The following SLC5A11 variants were observed in gnomAD, a reference collection of about 807,000 sequenced individuals.
The protein encoded by SLC5A11 is sodium/myo-inositol cotransporter 2.
Under a neutral mutation model 69.8 loss-of-function variants are expected in SLC5A11, and 48 were observed. The ratio of observed to expected loss-of-function variants is 0.69; its 90% CI spans 0.55 to 0.87. The LOEUF (loss-of-function observed/expected upper bound fraction) is 0.87, where lower values mean the gene tolerates loss of function less well. Among genes scored for constraint, SLC5A11 ranks in the 40% least tolerant of loss-of-function variants. SLC5A11 has a pLI of 0.00. For missense variants in SLC5A11, 784 were observed against 866.1 expected (o/e 0.91, Z 1.19); for synonymous variants, 319 against 342.4 (o/e 0.93, Z 0.75).
intron 7 of SLC5A11, among the ~76,000 whole-genome samples, chr16:24,883,757 A>G (rs1267171968): frequency 1.3e-5 from 2 of 152,224 alleles, no homozygotes; most frequent in African/African-American, 4.8e-5. Context: ...CAGAAGCTGC[A>G]GGGCTCCTTG....
At chr16:24,847,857 G>GT (rs2059099833) in intron 1 of SLC5A11, among the ~76,000 whole-genome samples, 1 of 152,246 alleles carries the variant, frequency 6.6e-6, no homozygotes, top group East Asian at 1.9e-4. Context: ...TTGCATGCCT[G>GT]TTTTGGGGAC....
At chr16:24,848,390 C>T (rs1209005750) in intron 1 of SLC5A11, among the ~76,000 whole-genome samples, 2 of 152,166 alleles carry the variant, frequency 1.3e-5, no homozygotes, top group African/African-American at 4.8e-5. Context: ...GGGAGGATTG[C>T]TTGAGGCCTG....
chr16:24,849,593 AATATATATATAT>A (rs1555515955), intron 1 of SLC5A11, among the ~76,000 whole-genome samples: 21 of 35,892 alleles, frequency 5.9e-4, no homozygotes, highest in Middle Eastern at 0.017. Flanking sequence ...AAAAAAAAAA[AATATATATATAT>A]ATATATATAT....
rs2047200339 is a variant in SLC5A11, at chr16:24,870,378, AGTGAAACTCC to A, written c.312+376_312+385del. On this transcript the variant is annotated intron_variant, in intron 4 of 15. Coordinates refer to ENST00000347898, the Ensembl canonical transcript of SLC5A11. ...ACTGCGCGCCAGCCTGGGTGACAAG[AGTGAAACTCC>A]GTCCCCCTCCCCACAAAAAAACAAA... Among the ~76,000 whole-genome samples, 3 of 151,492 alleles carry A rather than the reference AGTGAAACTCC, an allele frequency of 2.0e-5. No homozygotes were observed. In the South Asian group the frequency reaches 6.3e-4, roughly 32 times the overall value.
intron 10 of SLC5A11, among the ~76,000 whole-genome samples, chr16:24,905,600 C>T (rs796206972): frequency 5.1e-4 from 77 of 150,390 alleles, no homozygotes; most frequent in African/African-American, 1.6e-3. Context: ...CCAGCCTGGG[C>T]GACAGAGCAA....
chr16:24,867,672 A>G (rs963648449), intron 3 of SLC5A11, among the ~76,000 whole-genome samples: 4 of 152,176 alleles, frequency 2.6e-5, no homozygotes, highest in Admixed American at 6.5e-5. Context: ...ATTAGAAATG[A>G]AAAAGGGGGA....
chr16:24,908,595 C>CCA (rs1555535921), intron 13 of SLC5A11, among the ~76,000 whole-genome samples: 1 of 70,596 alleles, frequency 1.4e-5, no homozygotes, highest in African/African-American at 5.7e-5. Context: ...GAGACTGTCT[C>CCA]AAAAAAAAAA....
chr16:24,861,733 GAAAAAGAA>G (rs926137289), intron 2 of SLC5A11, among the ~76,000 whole-genome samples: 10 of 93,454 alleles, frequency 1.1e-4, no homozygotes, highest in South Asian at 3.2e-4. Context: ...GCAGAAGAAA[GAAAAAGAA>G]AGAAAGAAAA....
rs143801077 is a variant in SLC5A11 at position 24,855,301 on chromosome 16, G to A, written c.-24-3319G>A. Among the ~76,000 whole-genome samples, 389 of 152,034 alleles carry A rather than the reference G, an allele frequency of 2.6e-3. 2 individuals carry two copies. Among genetic ancestry groups the A allele is most frequent in the African/African-American group, 9.0e-3 (373 of 41,452 alleles). On this transcript the variant is annotated intron_variant, in intron 1 of 15. Coordinates refer to ENST00000347898, the Ensembl canonical transcript of SLC5A11. ...CTGCCCCCATGGATGGGATTAGCAC[G>A]TTTATAAAAGAGGCTTGAGGCCAGG...
intron 1 of SLC5A11, among the ~76,000 whole-genome samples, chr16:24,854,971 G>GTT (rs1167539584): frequency 6.6e-6 from 1 of 151,826 alleles, no homozygotes; most frequent in South Asian, 2.1e-4. Context: ...GTGTGTGTGT[G>GTT]TGTTTGTTTG....
rs769738458 is a variant in SLC5A11, at chr16:24,877,320, C to T, written c.540C>T (p.Ala180=). ...CTTTGCACCTGGATCTGTACCTGGC[C>T]ATAGTTGGGCTACTGGCCATCACTG... is the stretch of plus-strand genomic sequence containing the variant. Residue 180 remains alanine, a synonymous_variant, in exon 7 of 16, where the codon GCC becomes GCT. Coordinates refer to ENST00000347898, the Ensembl canonical transcript of SLC5A11. The T allele has an allele frequency of 2.2e-5, 35 of 1,613,946 alleles. No individual in the cohort carries two copies. The African/African-American group carries it at 4.5e-4, about 21-fold the overall frequency.
chr16:24,847,619 G>C (rs2059087653), intron 1 of SLC5A11, among the ~76,000 whole-genome samples: 1 of 152,158 alleles, frequency 6.6e-6, no homozygotes, highest in Non-Finnish European at 1.5e-5. Flanking sequence ...GCCTTGCAAA[G>C]TGCTGGGATT....
chr16:24,895,519 G>T (rs1171806759), intron 9 of SLC5A11, among the ~76,000 whole-genome samples: 2 of 148,252 alleles, frequency 1.3e-5, no homozygotes, highest in Admixed American at 6.9e-5. Flanking sequence ...AGAAAAAAAA[G>T]TAGGAAAGGA....
intron 9 of SLC5A11, 58 bp downstream of exon 10, chr16:24,891,132 G>T: frequency 1.3e-6 from 2 of 1,555,244 alleles, no homozygotes; most frequent in Non-Finnish European, 1.8e-6. Flanking sequence ...CCTTAGGGTG[G>T]CTGAAGTCGG....
At chr16:24,893,453 C>A (rs2048949177) in intron 9 of SLC5A11, among the ~76,000 whole-genome samples, 1 of 152,032 alleles carries the variant, frequency 6.6e-6, no homozygotes, top group Non-Finnish European at 1.5e-5. Context: ...TAAAAACCAG[C>A]CAGAGACAAT....
At chr16:24,901,564 A>C (rs2049594791) in intron 10 of SLC5A11, among the ~76,000 whole-genome samples, 1 of 151,186 alleles carries the variant, frequency 6.6e-6, no homozygotes, top group Non-Finnish European at 1.5e-5. Flanking sequence ...GCAGTGAGCC[A>C]TGATCAGTGC....
chr16:24,897,153 C>T (rs185314083), intron 9 of SLC5A11, among the ~76,000 whole-genome samples: 2 of 151,822 alleles, frequency 1.3e-5, no homozygotes, highest in African/African-American at 4.8e-5. Context: ...AGAGTTTCAC[C>T]ATGTTGGCCA....
chr16:24,859,590 G>A (rs547061735), intron 2 of SLC5A11, among the ~76,000 whole-genome samples: 1 of 151,898 alleles, frequency 6.6e-6, no homozygotes, highest in African/African-American at 2.4e-5. Flanking sequence ...TGGTTCAAGT[G>A]TCTTTATGCA....
chr16:24,898,239 T>G, intron 10 of SLC5A11, 130 bp downstream of exon 11: 1 of 1,239,402 alleles, frequency 8.1e-7, no homozygotes, highest in Non-Finnish European at 1.1e-6. Flanking sequence ...TAAGACAGAG[T>G]CTCATTCTGT....
Sources: gnomAD v4.1 joint callset for allele counts (sites outside exome capture counted in the v4.1 genomes callset) on GRCh38, gnomAD v4.1.1 for gene constraint, MANE v1.5 for transcripts, NCBI Gene and HGNC (gene_info 2026-07-23, HGNC 2026-07-21) for gene names.